The following MAP4K4 variants were observed in gnomAD, a reference collection of about 807,000 sequenced individuals.
The protein encoded by MAP4K4 is HPK/GCK-like kinase HGK.
MAP4K4 carries 38 observed loss-of-function variants against 189.6 expected under a neutral mutation model. The observed-to-expected ratio is 0.20, with a 90% CI of 0.15 to 0.26. MAP4K4 has a LOEUF of 0.26. MAP4K4 is among the 10% of genes least tolerant of loss of function. MAP4K4 has a pLI of 1.00. For synonymous variants in MAP4K4, 610 were observed against 624.3 expected (o/e 0.98, Z 0.34); for missense variants, 1,054 against 1,726.9 (o/e 0.61, Z 6.91).
At chr2:101,803,011 A>G (rs2094514487) in intron 3 of MAP4K4, among the ~76,000 whole-genome samples, 1 of 151,848 alleles carries the variant, frequency 6.6e-6, no homozygotes, top group African/African-American at 2.4e-5. Context: ...GTCTCGAACT[A>G]CTGACCTCAG....
intron 2 of MAP4K4, among the ~76,000 whole-genome samples, chr2:101,784,698 A>G (rs1037256059): frequency 3.3e-5 from 5 of 152,186 alleles, no homozygotes; most frequent in Non-Finnish European, 7.3e-5. Context: ...CAGGGGTTGA[A>G]AATAAGTTTT....
intron 2 of MAP4K4, among the ~76,000 whole-genome samples, chr2:101,785,153 C>G (rs2089991446): frequency 6.6e-6 from 1 of 152,158 alleles, no homozygotes; most frequent in African/African-American, 2.4e-5. Context: ...TTCCTAACTT[C>G]TGTGTTTATT....
intron 20 of MAP4K4, chr2:101,867,710 G>C: frequency 4.8e-6 from 2 of 415,576 alleles, no homozygotes; most frequent in East Asian, 7.7e-5. Context: ...CGTGAGTTCA[G>C]CATTTACAAT....
intron 3 of MAP4K4, among the ~76,000 whole-genome samples, chr2:101,814,511 A>T (rs1010999078): frequency 6.6e-6 from 1 of 152,196 alleles, no homozygotes; most frequent in Non-Finnish European, 1.5e-5. Flanking sequence ...TAAAGACAGG[A>T]TCCCTTTCCA....
intron 12 of MAP4K4, among the ~76,000 whole-genome samples, chr2:101,854,475 G>A (rs564875559): frequency 3.3e-5 from 5 of 152,186 alleles, no homozygotes; most frequent in South Asian, 2.1e-4. Flanking sequence ...TGAGAGAGGC[G>A]GAACCAAAAG....
At chr2:101,862,648 TTCC>T (rs2097700867) in intron 16 of MAP4K4, among the ~76,000 whole-genome samples, 1 of 152,226 alleles carries the variant, frequency 6.6e-6, no homozygotes, top group Admixed American at 6.5e-5. Context: ...AGTCTCCCAT[TTCC>T]TCCTCCTGTT....
At chr2:101,867,827 T>C in intron 20 of MAP4K4, 1 of 548,426 alleles carries the variant, frequency 1.8e-6, no homozygotes, top group Non-Finnish European at 3.2e-6. Context: ...TTCTCACCCT[T>C]CTCTTTTAAT....
intron 3 of MAP4K4, chr2:101,797,235 T>C (rs2093794162): frequency 7.7e-7 from 1 of 1,290,356 alleles, no homozygotes; most frequent in Non-Finnish European, 1.0e-6. Context: ...CCTATTGTTC[T>C]ATTCTGTTAT....
intron 2 of MAP4K4, among the ~76,000 whole-genome samples, chr2:101,708,781 A>T (rs1345337957): frequency 6.6e-6 from 1 of 152,208 alleles, no homozygotes; most frequent in Non-Finnish European, 1.5e-5. Flanking sequence ...TCCCTGTTCC[A>T]ACCCAGAGCC....
At chr2:101,698,838 C>CT (rs953822418) in intron 2 of MAP4K4, among the ~76,000 whole-genome samples, 30 of 152,140 alleles carry the variant, frequency 2.0e-4, no homozygotes, top group African/African-American at 5.3e-4. Flanking sequence ...TGAATTTTTT[C>CT]TTTTTTTCCC....
intron 3 of MAP4K4, among the ~76,000 whole-genome samples, chr2:101,806,336 A>G (rs1211892680): frequency 6.6e-6 from 1 of 151,146 alleles, no homozygotes; most frequent in Non-Finnish European, 1.5e-5. Flanking sequence ...AGGCATTTAT[A>G]CAAGAAAAGA....
At chr2:101,762,321 G>A (rs2076845382) in intron 2 of MAP4K4, among the ~76,000 whole-genome samples, 1 of 152,130 alleles carries the variant, frequency 6.6e-6, no homozygotes, top group African/African-American at 2.4e-5. Flanking sequence ...CTTAATCTTC[G>A]CTGTGGTGAC....
intron 32 of MAP4K4, 120 bp from the exon 33 acceptor site, chr2:101,891,046 T>C: frequency 1.3e-6 from 1 of 761,124 alleles, no homozygotes; most frequent in Non-Finnish European, 2.3e-6. Flanking sequence ...TTGAAAAGGC[T>C]CTTTGGGAGT....
Position 101,872,073 on chromosome 2 carries a change from A to G in MAP4K4, c.2952+388A>G, listed in dbSNP as rs572224895. Among the ~76,000 whole-genome samples the G allele has an allele frequency of 2.6e-4, 39 of 152,314 alleles. No individual in the cohort carries two copies. The South Asian group carries it at 4.8e-3, about 19-fold the overall frequency. ...TCATTCTTTTTATCCAATAAATAAA[A>G]TATAGGAAGATTCGGTTCAGCAGGC... On this transcript the variant is annotated intron_variant, in intron 24 of 32. Transcript: ENST00000324219.
chr2:101,839,327 C>A (rs1015793250), intron 9 of MAP4K4, among the ~76,000 whole-genome samples: 1 of 152,238 alleles, frequency 6.6e-6, no homozygotes, highest in Non-Finnish European at 1.5e-5. Context: ...GACAAATCAA[C>A]CAGTTTGGAA....
chr2:101,879,812 G>T (rs2098330835), intron 27 of MAP4K4, among the ~76,000 whole-genome samples: 2 of 142,970 alleles, frequency 1.4e-5, no homozygotes, highest in African/African-American at 2.6e-5. Flanking sequence ...AACAGTATGT[G>T]TTCTAGTGTC....
At chr2:101,894,287 A>ACCTTTCTGTATTAAAATCAGAGTAAC (rs796820800) in exon 33 of MAP4K4, 102 of 152,688 alleles carry the variant, frequency 6.7e-4, no homozygotes, top group African/African-American at 2.3e-3. Context: ...ACAAGTAATA[A>ACCTTTCTGTATTAAAATCAGAGTAAC]CCTTTCTGTA....
At chr2:101,700,363 G>T (rs1307768639) in intron 2 of MAP4K4, among the ~76,000 whole-genome samples, 3 of 152,150 alleles carry the variant, frequency 2.0e-5, no homozygotes, top group African/African-American at 7.2e-5. Flanking sequence ...CGCTAGCTAC[G>T]TTTGGTAGGT....
At chr2:101,848,016 G>A (rs1389510278) in intron 12 of MAP4K4, among the ~76,000 whole-genome samples, 1 of 152,156 alleles carries the variant, frequency 6.6e-6, no homozygotes, top group Non-Finnish European at 1.5e-5. Flanking sequence ...ACCATCCTGT[G>A]CAGGTTTGTA....
Sources: allele counts gnomAD v4.1 joint callset (sites outside exome capture counted in the v4.1 genomes callset), GRCh38; gene constraint gnomAD v4.1.1; transcripts MANE v1.5; gene names NCBI Gene and HGNC (gene_info 2026-07-23, HGNC 2026-07-21).